The following TAF8 variants were observed in gnomAD, a reference collection of about 807,000 sequenced individuals.
TAF8 encodes transcription initiation factor TFIID subunit 8.
A neutral mutation model predicts 36.5 loss-of-function variants in TAF8; 47 were observed. The observed-to-expected ratio is 1.29, with a 90% CI of 1.02 to 1.64. The LOEUF (loss-of-function observed/expected upper bound fraction) is 1.64, where lower values mean the gene tolerates loss of function less well. TAF8 is among the 40% of genes most tolerant of loss of function. The probability of loss-of-function intolerance (pLI) is 0.00; values close to 1 mark genes in which losing one functional copy is unlikely to be tolerated. For missense variants in TAF8, 420 were observed against 407.6 expected (o/e 1.03, Z -0.26); for synonymous variants, 175 against 159.5 (o/e 1.10, Z -0.73).
Position 42,079,364 on chromosome 6 carries a change from C to T in TAF8, c.*1819C>T. ...TTCATTCTTAACATACCCTACAAAC[C>T]AGAAAACAAGTTTTTAAGGAAGATG... On this transcript the variant is annotated 3_prime_UTR_variant, in exon 9 of 9. Transcript: ENST00000372977. 1 of 985,382 alleles carries T rather than the reference C, an allele frequency of 1.0e-6. No homozygotes were observed. The highest frequency in any genetic ancestry group is 4.7e-5 in the South Asian group (1 of 21,278). The allele number at this position is 985,382 out of a possible 1,614,324, so 61.0% of individuals were successfully genotyped here. A position where few individuals can be genotyped will look rare whatever the true frequency, so the allele number is the denominator to read the frequency against.
intron 6 of TAF8, among the ~76,000 whole-genome samples, chr6:42,066,943 C>T (rs904691032): frequency 6.6e-6 from 1 of 152,134 alleles, no homozygotes; most frequent in Non-Finnish European, 1.5e-5. Context: ...TCCTGTGGAA[C>T]GCCCGCTGTG....
At chr6:42,071,902 A>G (rs1765593236) in intron 7 of TAF8, among the ~76,000 whole-genome samples, 1 of 152,158 alleles carries the variant, frequency 6.6e-6, no homozygotes, top group Non-Finnish European at 1.5e-5. Flanking sequence ...TCATGGTGGT[A>G]ATTGAACCTA....
At chr6:42,066,573 C>T in intron 6 of TAF8, 114 bp downstream of exon 6, 2 of 1,232,534 alleles carry the variant, frequency 1.6e-6, no homozygotes, top group Non-Finnish European at 2.3e-6. Context: ...CCCTTGGGTA[C>T]AGCTTGCCTC....
intron 7 of TAF8, among the ~76,000 whole-genome samples, chr6:42,072,512 C>G (rs150838289): frequency 4.6e-4 from 70 of 152,252 alleles, no homozygotes; most frequent in African/African-American, 1.5e-3. Context: ...CAGCAGATCA[C>G]AAACTGTTCT....
intron 7 of TAF8, among the ~76,000 whole-genome samples, chr6:42,073,584 G>T (rs1270164134): frequency 2.0e-5 from 3 of 152,292 alleles, no homozygotes; most frequent in Middle Eastern, 6.8e-3. Context: ...GCTTGAAATG[G>T]GTGAGGGAGT....
At position 42,080,814 on chromosome 6, in the gene TAF8, AC is replaced by A; in HGVS notation, c.*3270del. Reference sequence around the variant, plus strand: ...TTTCTATTTTTTATAACTTTATGGGACTTCTTAGAGGCCAAAAGTAGTAAAC... The same window carrying A: ...TTTCTATTTTTTATAACTTTATGGGATTCTTAGAGGCCAAAAGTAGTAAAC... On this transcript the variant is annotated 3_prime_UTR_variant, in exon 9 of 9. Transcript: ENST00000372977. 1 of 980,008 alleles carries A rather than the reference AC, an allele frequency of 1.0e-6. No individual in the cohort carries two copies. Among genetic ancestry groups the A allele is most frequent in the Non-Finnish European group, 1.2e-6 (1 of 825,016 alleles). The allele number at this position is 980,008 out of a possible 1,614,324, so 60.7% of individuals were successfully genotyped here. A position where few individuals can be genotyped will look rare whatever the true frequency, so the allele number is the denominator to read the frequency against.
At chr6:42,050,671 C>T (rs1562006618) in intron 1 of TAF8, 85 bp downstream of exon 1, 4 of 1,424,962 alleles carry the variant, frequency 2.8e-6, no homozygotes, top group Non-Finnish European at 3.8e-6. Flanking sequence ...AGATAATGCC[C>T]AGAAATTCAG....
intron 6 of TAF8, among the ~76,000 whole-genome samples, chr6:42,068,010 T>C (rs902119746): frequency 6.6e-5 from 10 of 152,254 alleles, no homozygotes; most frequent in African/African-American, 2.2e-4. Context: ...GCCTTTGGAC[T>C]TGAGTCCTTC....
At position 42,080,021 on chromosome 6, in the gene TAF8, A is replaced by G. The variant is rs1343886511; in HGVS notation, c.*2476A>G. 2.0e-6 allele frequency: 2 copies of G among 985,202 alleles called. No homozygotes were observed. Among genetic ancestry groups the G allele is most frequent in the African/African-American group, 1.7e-5 (1 of 57,182 alleles). The allele number at this position is 985,202 out of a possible 1,614,324, so 61.0% of individuals were successfully genotyped here. A position where few individuals can be genotyped will look rare whatever the true frequency, so the allele number is the denominator to read the frequency against. ...AAAAAAAAAAAAATTGGATTCCCCA[A>G]CTGGACTAAATAGGAGTTTTTCAGG... On this transcript the variant is annotated 3_prime_UTR_variant, in exon 9 of 9. Transcript: ENST00000372977.
At chr6:42,070,678 AG>A (rs1164548038) in intron 7 of TAF8, among the ~76,000 whole-genome samples, 1 of 152,214 alleles carries the variant, frequency 6.6e-6, no homozygotes, top group African/African-American at 2.4e-5. Flanking sequence ...GGTAACTAAA[AG>A]GGGGAAAATG....
chr6:42,085,505 A>G (rs560394256), downstream of TAF8, among the ~76,000 whole-genome samples: 1 of 152,258 alleles, frequency 6.6e-6, no homozygotes, highest in East Asian at 1.9e-4. Context: ...TTAAGTCATG[A>G]GAGTAGAGCC....
downstream of TAF8, among the ~76,000 whole-genome samples, chr6:42,083,798 C>T (rs1765983356): frequency 6.6e-6 from 1 of 151,988 alleles, no homozygotes; most frequent in East Asian, 1.9e-4. Flanking sequence ...TTTACCAAGA[C>T]AAGCAAAGGA....
chr6:42,084,334 C>T (rs1765995018), downstream of TAF8, among the ~76,000 whole-genome samples: 1 of 152,174 alleles, frequency 6.6e-6, no homozygotes, highest in Admixed American at 6.5e-5. Flanking sequence ...ATATGCCAGG[C>T]ACGGTGCTAA....
At position 42,078,859 on chromosome 6, in the gene TAF8, C is replaced by T. The variant is rs1765839764; in HGVS notation, c.*1314C>T. ...AAGAGGGGCTACGCGCAGTGGCTCA[C>T]GCCTGTAATCCCAGCACTTCGGGAG... On this transcript the variant is annotated 3_prime_UTR_variant, in exon 9 of 9. Transcript: ENST00000372977. 1.8e-5 allele frequency: 18 copies of T among 985,052 alleles called. No individual in the cohort carries two copies. The highest frequency in any genetic ancestry group is 9.4e-5 in the South Asian group (2 of 21,290). The allele number at this position is 985,052 out of a possible 1,614,324, so 61.0% of individuals were successfully genotyped here.
In TAF8 at chr6:42,051,088, A is replaced by G. The variant is rs924618194; in HGVS notation, c.46-269A>G. ...CGTGTTTCTTCAGCTATGTATTCTA[A>G]TAATCTGCTAAAGTAGAAAGTAAAA... On this transcript the variant is annotated intron_variant, in intron 1 of 8. Transcript: ENST00000372977. The G allele has an allele frequency of 6.2e-6, 7 of 1,136,038 alleles. No homozygotes were observed. In the African/African-American group the frequency reaches 8.0e-5, roughly 13 times the overall value. 70.4% of individuals were successfully genotyped at this position (1,136,038 alleles called of 1,614,324 possible). A position where few individuals can be genotyped will look rare whatever the true frequency, so the allele number is the denominator to read the frequency against.
At chr6:42,052,334 T>C (rs1307733754) in intron 2 of TAF8, among the ~76,000 whole-genome samples, 1 of 149,566 alleles carries the variant, frequency 6.7e-6, no homozygotes, top group Non-Finnish European at 1.5e-5. Context: ...CCCCCTTTTT[T>C]TTTTTGAGAC....
At position 42,078,581 on chromosome 6, in the gene TAF8, A is replaced by G; in HGVS notation, c.*1036A>G. ...GGAGTCAGGAGTCTTGAGCAGATGC[A>G]TCACTGTGAAGAAGAACGACATGTC... is the stretch of plus-strand genomic sequence containing the variant. On this transcript the variant is annotated 3_prime_UTR_variant, in exon 9 of 9. Coordinates refer to ENST00000372977, the MANE Select transcript of TAF8 (RefSeq NM_138572.3). The G allele has an allele frequency of 1.0e-6, 1 of 985,522 alleles. No individual in the cohort carries two copies. The highest frequency in any genetic ancestry group is 1.2e-6 in the Non-Finnish European group (1 of 829,952). The allele number at this position is 985,522 out of a possible 1,614,324, so 61.0% of individuals were successfully genotyped here.
chr6:42,070,992 G>C, intron 7 of TAF8, among the ~76,000 whole-genome samples: 1 of 152,228 alleles, frequency 6.6e-6, no homozygotes, highest in Middle Eastern at 3.4e-3. Context: ...TCTGCTCACC[G>C]GTGTGTCATA....
In TAF8 at chr6:42,068,454, C is replaced by T. The variant is rs756990536; in HGVS notation, c.638-11C>T. ...TGACAGTGGACTCATGCCTCTCTTC[C>T]AATTCGCCAGTGATTGCTGCCAGAC... On this transcript the variant is annotated splice_polypyrimidine_tract_variant and intron_variant, in intron 6 of 8. Coordinates refer to ENST00000372977, the MANE Select transcript of TAF8 (RefSeq NM_138572.3). The T allele has an allele frequency of 5.2e-5, 84 of 1,613,678 alleles. No individual in the cohort carries two copies. Among genetic ancestry groups the T allele is most frequent in the Non-Finnish European group, 6.8e-5 (80 of 1,179,972 alleles).
Sources: allele counts gnomAD v4.1 joint callset (sites outside exome capture counted in the v4.1 genomes callset), GRCh38; gene constraint gnomAD v4.1.1; transcripts MANE v1.5; gene names NCBI Gene and HGNC (gene_info 2026-07-23, HGNC 2026-07-21).